ARHGAP32: variants seen among roughly 807,000 people sequenced by gnomAD.
The protein encoded by ARHGAP32 is rho GTPase-activating protein 32.
ARHGAP32 carries 51 observed loss-of-function variants against 186.5 expected under a neutral mutation model. The ratio of observed to expected loss-of-function variants is 0.27; its 90% CI spans 0.22 to 0.35. The LOEUF is 0.35. ARHGAP32 is among the 10% of genes least tolerant of loss of function. The probability of loss-of-function intolerance (pLI) is 1.00; values close to 1 mark genes in which losing one functional copy is unlikely to be tolerated. For synonymous variants in ARHGAP32, 950 were observed against 964.3 expected, an observed-to-expected ratio of 0.99 and a Z score of 0.27; for missense variants, 2,186 against 2,623.5, an observed-to-expected ratio of 0.83 and a Z score of 3.64.
chr11:129,214,576 CTCT>C (rs1944621952), intron 1 of ARHGAP32, among the ~76,000 whole-genome samples: 1 of 152,148 alleles, frequency 6.6e-6, no homozygotes, highest in Non-Finnish European at 1.5e-5. Context: ...AGGAAGGTGT[CTCT>C]CCTTTGTTGC....
chr11:129,208,774 C>T (rs1482478367), intron 1 of ARHGAP32, among the ~76,000 whole-genome samples: 3 of 150,692 alleles, frequency 2.0e-5, no homozygotes, highest in African/African-American at 4.9e-5. Flanking sequence ...CCACCTTAAA[C>T]TAATATCGCA....
At chr11:129,055,408 A>T (rs1940211680) in intron 10 of ARHGAP32, among the ~76,000 whole-genome samples, 1 of 152,240 alleles carries the variant, frequency 6.6e-6, no homozygotes, top group Non-Finnish European at 1.5e-5. Flanking sequence ...CTCTTACCAT[A>T]TGATCCAGCA....
In ARHGAP32 at chr11:129,051,953, C is replaced by CA. The variant is rs36014500; in HGVS notation, c.963+10326dup. Among the ~76,000 whole-genome samples, 111 of 71,118 alleles carry CA rather than the reference C, an allele frequency of 1.6e-3. 2 individuals carry two copies. The highest frequency in any genetic ancestry group is 0.017 in the Middle Eastern group (2 of 118). The allele number at this position is 71,118 out of a possible 152,430, so 46.7% of individuals were successfully genotyped here. ...CTGGTGACACAGCAAGATTCTGTCT[C>CA]AAAAAAAAAAAAAAAAAAAAAAAAA... is the stretch of plus-strand genomic sequence containing the variant. On this transcript the variant is annotated intron_variant, in intron 10 of 22. Coordinates refer to ENST00000682385, the MANE Select transcript of ARHGAP32 (RefSeq NM_001378024.1).
At chr11:129,271,951 G>A (rs1945478383) in intron 1 of ARHGAP32, among the ~76,000 whole-genome samples, 1 of 152,118 alleles carries the variant, frequency 6.6e-6, no homozygotes, top group Non-Finnish European at 1.5e-5. Flanking sequence ...CACAAGTGGT[G>A]GCTGATGATG....
intron 2 of ARHGAP32, among the ~76,000 whole-genome samples, chr11:129,158,396 CAAA>C (rs145817087): frequency 2.1e-4 from 14 of 66,190 alleles, no homozygotes; most frequent in Admixed American, 4.4e-4. Context: ...AAATGGAAGG[CAAA>C]AAAAAAAAAA....
At chr11:129,109,547 T>C (rs1271819909) in intron 5 of ARHGAP32, among the ~76,000 whole-genome samples, 1 of 152,104 alleles carries the variant, frequency 6.6e-6, no homozygotes, top group African/African-American at 2.4e-5. Context: ...GACAACAGTG[T>C]TTAAGAGGTC....
At chr11:129,256,052 G>C (rs1945250312) in intron 1 of ARHGAP32, among the ~76,000 whole-genome samples, 1 of 152,032 alleles carries the variant, frequency 6.6e-6, no homozygotes, top group Non-Finnish European at 1.5e-5. Flanking sequence ...AAATTTTATA[G>C]ACAATGCTGA....
At chr11:129,048,977 A>G (rs1468492142) in intron 10 of ARHGAP32, among the ~76,000 whole-genome samples, 2 of 152,184 alleles carry the variant, frequency 1.3e-5, no homozygotes, top group African/African-American at 2.4e-5. Flanking sequence ...TCTAAAACAG[A>G]GCAGTGCAAA....
intron 11 of ARHGAP32, among the ~76,000 whole-genome samples, chr11:129,000,393 TTAGA>T (rs1277463110): frequency 6.6e-6 from 1 of 152,206 alleles, no homozygotes; most frequent in African/African-American, 2.4e-5. Flanking sequence ...AGATTAGCTG[TTAGA>T]TAGAAGACTA....
At chr11:129,191,549 C>A (rs920178710) in intron 1 of ARHGAP32, among the ~76,000 whole-genome samples, 1 of 151,892 alleles carries the variant, frequency 6.6e-6, no homozygotes, top group Non-Finnish European at 1.5e-5. Flanking sequence ...GGAAAGGGGG[C>A]ATGAGATACA....
chr11:128,996,413 GT>G (rs1482800444), intron 12 of ARHGAP32, among the ~76,000 whole-genome samples: 1 of 151,880 alleles, frequency 6.6e-6, no homozygotes, highest in East Asian at 1.9e-4. Context: ...CCTCTACACT[GT>G]TATTTTTCAT....
At chr11:129,126,795 C>T (rs1942672686) in intron 2 of ARHGAP32, among the ~76,000 whole-genome samples, 1 of 151,990 alleles carries the variant, frequency 6.6e-6, no homozygotes, top group Non-Finnish European at 1.5e-5. Context: ...ACTGAAAGTA[C>T]TTTTTCATGC....
At chr11:129,038,752 C>A (rs905714105) in intron 11 of ARHGAP32, among the ~76,000 whole-genome samples, 1 of 150,076 alleles carries the variant, frequency 6.7e-6, no homozygotes, top group Non-Finnish European at 1.5e-5. Flanking sequence ...CTGGGCACAG[C>A]GGCATGCACG....
At chr11:129,135,890 G>A (rs1326244735) in intron 2 of ARHGAP32, among the ~76,000 whole-genome samples, 2 of 152,142 alleles carry the variant, frequency 1.3e-5, no homozygotes, top group Non-Finnish European at 2.9e-5. Context: ...GTACCTTCAT[G>A]ACATTGGGAT....
intron 1 of ARHGAP32, among the ~76,000 whole-genome samples, chr11:129,188,148 G>A (rs1007822547): frequency 2.0e-5 from 3 of 151,992 alleles, no homozygotes; most frequent in African/African-American, 4.8e-5. Flanking sequence ...TAGAGACAGG[G>A]TTTCACCATG....
At chr11:129,207,786 G>T (rs757153711) in intron 1 of ARHGAP32, among the ~76,000 whole-genome samples, 4 of 151,976 alleles carry the variant, frequency 2.6e-5, no homozygotes, top group Non-Finnish European at 5.9e-5. Context: ...TAACAAAAAT[G>T]ATAAAATAAT....
At position 129,013,508 on chromosome 11, in the gene ARHGAP32, G is replaced by C. The variant is rs150985510; in HGVS notation, c.1046-15040C>G. On this transcript the variant is annotated intron_variant, in intron 11 of 22. Transcript: ENST00000682385. ...AAACTATGTTCTGCATAGTTTCAGC[G>C]CTGCTGGTGATGTTATTTTAATTGG... Among the ~76,000 whole-genome samples, 852 of 152,266 alleles carry C rather than the reference G, an allele frequency of 5.6e-3. 10 individuals carry two copies. Among genetic ancestry groups the C allele is most frequent in the African/African-American group, 0.019 (799 of 41,560 alleles).
chr11:129,090,826 T>C (rs1941555419), intron 6 of ARHGAP32, among the ~76,000 whole-genome samples: 1 of 152,164 alleles, frequency 6.6e-6, no homozygotes, highest in South Asian at 2.1e-4. Flanking sequence ...AGTGTCAGGG[T>C]TTATCTAATT....
At chr11:129,100,150 T>C (rs145186735) in intron 5 of ARHGAP32, among the ~76,000 whole-genome samples, 1 of 152,320 alleles carries the variant, frequency 6.6e-6, no homozygotes, top group Admixed American at 6.5e-5. Context: ...GAAGGTTTGA[T>C]GCAGGAGCAT....
Sources: allele counts gnomAD v4.1 joint callset (sites outside exome capture counted in the v4.1 genomes callset), GRCh38; gene constraint gnomAD v4.1.1; transcripts MANE v1.5; gene names NCBI Gene and HGNC (gene_info 2026-07-23, HGNC 2026-07-21).